Variants in MAF observed in about 807,000 individuals in gnomAD.
The protein encoded by MAF is MAF bZIP transcription factor.
A neutral mutation model predicts 22.0 loss-of-function variants in MAF; 10 were observed. That is an observed-to-expected ratio of 0.45 (90% confidence interval 0.28 to 0.77). The LOEUF is 0.77. Among genes scored for constraint, MAF ranks in the 30% least tolerant of loss-of-function variants. MAF has a pLI of 0.12. For missense variants in MAF, 544 were observed against 548.4 expected, an observed-to-expected ratio of 0.99 and a Z score of 0.08; for synonymous variants, 337 against 255.8, an observed-to-expected ratio of 1.32 and a Z score of -3.03.
At position 79,600,131 on chromosome 16, in the gene MAF, T is replaced by C. The variant is rs1219503768; in HGVS notation, c.-229A>G. ...CCTCCCTCCCCCCTGCTCACGCCAATGTGCTCCCTCGCTCGCCCCGGCCCC... is the reference window on the plus strand; with the variant it reads ...CCTCCCTCCCCCCTGCTCACGCCAACGTGCTCCCTCGCTCGCCCCGGCCCC... On this transcript the variant is annotated 5_prime_UTR_variant, in exon 1 of 2. Transcript: ENST00000326043. 4.2e-6 allele frequency: 2 copies of C among 474,796 alleles called. No homozygotes were observed. The highest frequency in any genetic ancestry group is 7.2e-6 in the Non-Finnish European group (2 of 279,042). 29.4% of individuals were successfully genotyped at this position (474,796 alleles called of 1,614,324 possible). A position where few individuals can be genotyped will look rare whatever the true frequency, so the allele number is the denominator to read the frequency against.
chr16:79,399,940 C>A, the MAF span, among the ~76,000 whole-genome samples: 2 of 152,156 alleles, frequency 1.3e-5, no homozygotes, highest in Non-Finnish European at 2.9e-5. Context: ...TTAGTACCTG[C>A]CCAAATGTAA....
At chr16:79,342,975 T>A in the MAF span, among the ~76,000 whole-genome samples, 5 of 152,270 alleles carry the variant, frequency 3.3e-5, no homozygotes, top group South Asian at 8.3e-4. Context: ...TCTCTGGTAG[T>A]TTTTTTCATC....
chr16:79,384,134 T>C, the MAF span, among the ~76,000 whole-genome samples: 6 of 152,068 alleles, frequency 3.9e-5, no homozygotes, highest in African/African-American at 1.2e-4. Flanking sequence ...AAGTATTCTA[T>C]TTAAGCATTG....
At chr16:79,571,642 G>C in the MAF span, among the ~76,000 whole-genome samples, 4 of 150,362 alleles carry the variant, frequency 2.7e-5, no homozygotes, top group African/African-American at 9.8e-5. Flanking sequence ...CATCCTGTAG[G>C]CCAAACGTAG....
chr16:79,208,920 G>T, the MAF span, among the ~76,000 whole-genome samples: 1 of 152,230 alleles, frequency 6.6e-6, no homozygotes, highest in Admixed American at 6.5e-5. Context: ...AGCAAGGGAG[G>T]AAAGTAGAGT....
At chr16:79,315,382 A>G in the MAF span, among the ~76,000 whole-genome samples, 1 of 152,222 alleles carries the variant, frequency 6.6e-6, no homozygotes, top group Non-Finnish European at 1.5e-5. Context: ...TACTAATGCT[A>G]AGAGAAACTA....
At chr16:79,334,629 A>C in the MAF span, among the ~76,000 whole-genome samples, 1,134 of 152,294 alleles carry the variant, frequency 7.4e-3, 16 homozygotes, top group African/African-American at 0.026. Flanking sequence ...CAGGATAGCA[A>C]CAGCAGAGCA....
chr16:79,417,192 A>G, the MAF span, among the ~76,000 whole-genome samples: 1 of 152,210 alleles, frequency 6.6e-6, no homozygotes. Context: ...TTGGGCGTTC[A>G]TAGAACCTAA....
At chr16:79,461,991 C>T in the MAF span, among the ~76,000 whole-genome samples, 1 of 152,244 alleles carries the variant, frequency 6.6e-6, no homozygotes, top group East Asian at 1.9e-4. Flanking sequence ...AGGCACCTGC[C>T]ACCCATTCCA....
the MAF span, among the ~76,000 whole-genome samples, chr16:79,543,847 C>A: frequency 6.6e-6 from 1 of 151,984 alleles, no homozygotes; most frequent in Non-Finnish European, 1.5e-5. Flanking sequence ...CCACCGCGCC[C>A]GGCTAATTTT....
chr16:79,233,861 G>A, the MAF span, among the ~76,000 whole-genome samples: 2 of 151,696 alleles, frequency 1.3e-5, no homozygotes, highest in Non-Finnish European at 2.9e-5. Context: ...GTGTGGTGGT[G>A]GGCACCTGTA....
the MAF span, among the ~76,000 whole-genome samples, chr16:79,340,317 A>C: frequency 6.6e-6 from 1 of 151,734 alleles, no homozygotes; most frequent in East Asian, 2.0e-4. Context: ...TATTGTCACG[A>C]TGATGATGAT....
At chr16:79,283,561 T>C in the MAF span, among the ~76,000 whole-genome samples, 1 of 152,098 alleles carries the variant, frequency 6.6e-6, no homozygotes, top group African/African-American at 2.4e-5. Context: ...TGACAAACTT[T>C]TAAAAAACGA....
At chr16:79,465,430 A>C in the MAF span, among the ~76,000 whole-genome samples, 50 of 152,062 alleles carry the variant, frequency 3.3e-4, no homozygotes, top group African/African-American at 1.2e-3. Context: ...AGTCTCTACA[A>C]AAAATACAAA....
the MAF span, among the ~76,000 whole-genome samples, chr16:79,502,714 T>TATATATAAATATAA: frequency 7.7e-5 from 1 of 12,994 alleles, no homozygotes; most frequent in African/African-American, 2.3e-4. Flanking sequence ...TATAAATATA[T>TATATATAAATATAA]ATATATATAT....
At chr16:79,454,507 G>A in the MAF span, among the ~76,000 whole-genome samples, 12 of 152,074 alleles carry the variant, frequency 7.9e-5, no homozygotes, top group Non-Finnish European at 1.3e-4. Context: ...AGAAGAAAAG[G>A]AAGAACTGCC....
the MAF span, among the ~76,000 whole-genome samples, chr16:79,318,190 C>T: frequency 6.6e-6 from 1 of 152,118 alleles, no homozygotes; most frequent in African/African-American, 2.4e-5. Context: ...GACTCTTAGG[C>T]CAGAAGAATT....
chr16:79,233,350 C>T, the MAF span, among the ~76,000 whole-genome samples: 1 of 151,934 alleles, frequency 6.6e-6, no homozygotes, highest in African/African-American at 2.4e-5. Context: ...TGGAAGTAGA[C>T]CTATGAAATG....
chr16:79,286,477 T>A, the MAF span, among the ~76,000 whole-genome samples: 86 of 152,338 alleles, frequency 5.6e-4, no homozygotes, highest in Middle Eastern at 0.01. Flanking sequence ...CTTGATACAT[T>A]TGGCAGTATG....
Sources: gnomAD v4.1 joint callset for allele counts (sites outside exome capture counted in the v4.1 genomes callset) on GRCh38, gnomAD v4.1.1 for gene constraint, MANE v1.5 for transcripts, NCBI Gene and HGNC (gene_info 2026-07-23, HGNC 2026-07-21) for gene names.